AREL1: variants seen among roughly 807,000 people sequenced by gnomAD.
The protein encoded by AREL1 is apoptosis resistant E3 ubiquitin protein ligase 1.
Under a neutral mutation model 99.0 loss-of-function variants are expected in AREL1, and 62 were observed. The observed-to-expected ratio is 0.63, with a 90% CI of 0.51 to 0.77. AREL1 has a LOEUF of 0.77. AREL1 is among the 30% of genes least tolerant of loss of function. The pLI is 0.00. For missense variants in AREL1, 879 were observed against 1,027.6 expected, an observed-to-expected ratio of 0.86 and a Z score of 1.98; for synonymous variants, 380 against 376.5, an observed-to-expected ratio of 1.01 and a Z score of -0.11.
intron 5 of AREL1, among the ~76,000 whole-genome samples, chr14:74,677,396 TAAGGCAAGA>T (rs2139895382): frequency 6.6e-6 from 1 of 151,466 alleles, no homozygotes; most frequent in South Asian, 2.1e-4. Flanking sequence ...CTCAGGAAGC[TAAGGCAAGA>T]GGATCACTTT....
intron 1 of AREL1, among the ~76,000 whole-genome samples, chr14:74,706,927 G>C (rs959632949): frequency 1.3e-5 from 2 of 152,144 alleles, no homozygotes; most frequent in African/African-American, 4.8e-5. Context: ...ATGCTTTGGG[G>C]GTCAAGGAAT....
intron 2 of AREL1, among the ~76,000 whole-genome samples, chr14:74,686,248 G>A (rs1437527513): frequency 1.3e-5 from 2 of 152,174 alleles, no homozygotes; most frequent in Non-Finnish European, 2.9e-5. Flanking sequence ...GGGCCCTCTG[G>A]AAGATGAGCT....
chr14:74,670,791 T>C lies in AREL1; in HGVS notation c.1579A>G (p.Thr527Ala). The C allele has an allele frequency of 6.2e-7, 1 of 1,614,070 alleles. No homozygotes were observed. The highest frequency in any genetic ancestry group is 8.5e-7 in the Non-Finnish European group (1 of 1,179,972). Residue 527 changes from threonine (T) to alanine (A), a missense_variant, in exon 13 of 20, where the codon ACC becomes GCC. Thr to Ala is a moderately conservative substitution (Grantham distance 58, BLOSUM62 0). Transcript: ENST00000356357. ...ALFDTTNQLF[T>A]RFSDNNQALV... ...GCTTGGTTGTTGTCACTGAACCGGG[T>C]GAAGAGCTGATTGGTGGTATCAAAT...
intron 13 of AREL1, 50 bp downstream of exon 13, chr14:74,670,712 T>C (rs150244457): frequency 4.1e-5 from 62 of 1,502,950 alleles, no homozygotes; most frequent in African/African-American, 3.4e-4. Flanking sequence ...CTTGTTAGTC[T>C]ACCCATGATA....
chr14:74,664,384 AT>A (rs530353159), intron 18 of AREL1, among the ~76,000 whole-genome samples: 12 of 125,030 alleles, frequency 9.6e-5, no homozygotes, highest in East Asian at 9.1e-4. Flanking sequence ...CCCATGCATC[AT>A]TTTTTTTTCC....
chr14:74,690,078 C>T (rs2089842188), intron 2 of AREL1, among the ~76,000 whole-genome samples: 1 of 151,484 alleles, frequency 6.6e-6, no homozygotes, highest in African/African-American at 2.4e-5. Context: ...TGGGACCTCA[C>T]CTCTACTAAA....
chr14:74,667,282 C>T, intron 17 of AREL1, 37 bp downstream of exon 17: 2 of 1,613,264 alleles, frequency 1.2e-6, no homozygotes, highest in Non-Finnish European at 1.7e-6. Flanking sequence ...ACAAAAATGC[C>T]AAGTTAAGAA....
intron 1 of AREL1, chr14:74,711,815 G>A (rs2090297117): frequency 1.3e-5 from 2 of 152,076 alleles, no homozygotes; most frequent in South Asian, 4.2e-4. Context: ...CGAGTTATAA[G>A]GCAGAGCAAG....
intron 5 of AREL1, among the ~76,000 whole-genome samples, chr14:74,680,015 A>G (rs2089593610): frequency 6.6e-6 from 1 of 151,678 alleles, no homozygotes; most frequent in Non-Finnish European, 1.5e-5. Context: ...GTCTCTACAA[A>G]ATATACAAAA....
At position 74,677,123 on chromosome 14, in the gene AREL1, T is replaced by C. The variant is rs948561132; in HGVS notation, c.482-371A>G. Among the ~76,000 whole-genome samples, 7 of 151,928 alleles carry C rather than the reference T, an allele frequency of 4.6e-5. No homozygotes were observed. In the East Asian group the frequency reaches 1.4e-3, roughly 30 times the overall value. ...TGGAATCTAACATTTAAAGGTGCTC[T>C]TCAGGGCACAAAGATCTGCTCAGTG... On this transcript the variant is annotated intron_variant, in intron 5 of 19. Transcript: ENST00000356357.
chr14:74,670,492 G>A (rs2089310299), intron 13 of AREL1: 1 of 405,298 alleles, frequency 2.5e-6, no homozygotes, highest in Non-Finnish European at 4.4e-6. Flanking sequence ...TGAGAAAGAG[G>A]CTTAATTATT....
intron 12 of AREL1, 139 bp downstream of exon 12, chr14:74,671,269 A>T: frequency 4.0e-6 from 2 of 505,772 alleles, no homozygotes; most frequent in Non-Finnish European, 3.3e-6. Flanking sequence ...TTCCTTGGGG[A>T]AAAAAAAACC....
chr14:74,661,706 G>A lies in AREL1; in HGVS notation c.*2014C>T, dbSNP rs562221012. 33 of 160,102 alleles carry A rather than the reference G, an allele frequency of 2.1e-4. 1 individual carries two copies. The South Asian group carries it at 4.6e-3, about 22-fold the overall frequency. The allele number at this position is 160,102 out of a possible 1,614,324, so 9.9% of individuals were successfully genotyped here. A position where few individuals can be genotyped will look rare whatever the true frequency, so the allele number is the denominator to read the frequency against. On this transcript the variant is annotated 3_prime_UTR_variant, in exon 20 of 20. Coordinates refer to ENST00000356357, the MANE Select transcript of AREL1 (RefSeq NM_001039479.2). ...ATAGAAAACCACAATAGTGCCAAAG[G>A]GTTTTGTTTAACAAAGACTGGTGCC...
In AREL1 at chr14:74,672,701, C is replaced by T. The variant is rs2089377038; in HGVS notation, c.1422+130G>A. The T allele has an allele frequency of 1.1e-5, 14 of 1,323,010 alleles. No homozygotes were observed. In the East Asian group the frequency reaches 1.6e-4, roughly 15 times the overall value. 82.0% of individuals were successfully genotyped at this position (1,323,010 alleles called of 1,614,324 possible). A position where few individuals can be genotyped will look rare whatever the true frequency, so the allele number is the denominator to read the frequency against. On this transcript the variant is annotated intron_variant, in intron 11 of 19. Coordinates refer to ENST00000356357, the MANE Select transcript of AREL1 (RefSeq NM_001039479.2). ...AGTGAGCCATGATCGCACCTCTGCA[C>T]CCCAGCCTGGGCAATAGAGTGAGAC...
chr14:74,664,904 C>T lies in AREL1; in HGVS notation c.2125G>A (p.Asp709Asn), dbSNP rs1487790101. 1 of 1,613,648 alleles carries T rather than the reference C, an allele frequency of 6.2e-7. No homozygotes were observed. Among genetic ancestry groups the T allele is most frequent in the Non-Finnish European group, 8.5e-7 (1 of 1,179,736 alleles). ...GCTTTGAAGTCAGACACACTGATGT[C>T]TCCAGTCCCACACATCAGCAGCTGG... ...ELELLMCGTG[D>N]ISVSDFKAHA... Residue 709 changes from aspartate to asparagine, a missense_variant, in exon 18 of 20, where the codon GAC becomes AAC. Physicochemically the swap from Asp to Asn is conservative, Grantham distance 23. Transcript: ENST00000356357.
chr14:74,663,730 C>T lies in AREL1; in HGVS notation c.2462G>A (p.Gly821Asp). The T allele has an allele frequency of 6.2e-7, 1 of 1,613,930 alleles. No individual in the cohort carries two copies. The highest frequency in any genetic ancestry group is 1.1e-5 in the South Asian group (1 of 91,062). The change falls in exon 20 of 20, where the codon GGC (glycine) becomes GAC (aspartate). Residue 821 changes from glycine to aspartate, a missense_variant. By Grantham distance (94) the Gly-to-Asp change is moderately conservative. Transcript: ENST00000356357. Reference protein sequence around the residue: ...LAISEGCEGFGML With the variant: ...LAISEGCEGFDML ...ATGACAGGAGAGTGGTCAGAGCATGCCAAAGCCCTCGCAACCCTCGCTGAT... is the reference window on the plus strand; with the variant it reads ...ATGACAGGAGAGTGGTCAGAGCATGTCAAAGCCCTCGCAACCCTCGCTGAT...
intron 17 of AREL1, among the ~76,000 whole-genome samples, chr14:74,666,953 C>G (rs1219381207): frequency 6.6e-6 from 1 of 152,090 alleles, no homozygotes; most frequent in Non-Finnish European, 1.5e-5. Flanking sequence ...CTCCTGACCT[C>G]AGGTGATCCA....
chr14:74,684,214 C>T (rs2089696637), intron 4 of AREL1, among the ~76,000 whole-genome samples: 1 of 152,160 alleles, frequency 6.6e-6, no homozygotes, highest in African/African-American at 2.4e-5. Context: ...TTACTCTTTT[C>T]TGTAATATTT....
In AREL1 at chr14:74,675,814, G is replaced by C. The variant is rs1468994766; in HGVS notation, c.965C>G (p.Ser322Cys). 6.2e-7 allele frequency: 1 copy of C among 1,614,076 alleles called. No individual in the cohort carries two copies. The highest frequency in any genetic ancestry group is 1.3e-5 in the African/African-American group (1 of 74,928). The part of the protein sequence containing the change: ...WHLPPMHMTS[S>C]QRRPSTAVDE... Reference sequence around the variant, plus strand: ...AACAGCAGTGGATGGCCGGCGCTGGGAAGAGGTCATGTGCATGGGTGGCAG... The same window carrying C: ...AACAGCAGTGGATGGCCGGCGCTGGCAAGAGGTCATGTGCATGGGTGGCAG... Residue 322 changes from serine (S) to cysteine (C), a missense_variant, in exon 8 of 20, where the codon TCC (serine) becomes TGC (cysteine). By Grantham distance (112) the Ser-to-Cys change is moderately radical (BLOSUM62 -1). Transcript: ENST00000356357.
Sources: allele counts gnomAD v4.1 joint callset (sites outside exome capture counted in the v4.1 genomes callset), GRCh38; gene constraint gnomAD v4.1.1; transcripts MANE v1.5; gene names NCBI Gene and HGNC (gene_info 2026-07-23, HGNC 2026-07-21).